Variants in ATP13A4 observed in about 807,000 individuals in gnomAD.
ATP13A4 encodes the protein ATPase 13A4, also known as probable cation-transporting ATPase 13A4.
ATP13A4 carries 114 observed loss-of-function variants against 142.5 expected under a neutral mutation model. That is an observed-to-expected ratio of 0.80 (90% CI 0.69 to 0.93). The LOEUF is 0.93. Ranked by LOEUF, ATP13A4 falls within the 40% of genes least tolerant of loss-of-function variation. The pLI is 0.00. For missense variants in ATP13A4, 1,392 were observed against 1,454.0 expected (o/e 0.96, Z 0.69); for synonymous variants, 488 against 514.8 (o/e 0.95, Z 0.70).
chr3:193,452,295 T>C (rs968169491), intron 17 of ATP13A4, among the ~76,000 whole-genome samples: 3 of 152,152 alleles, frequency 2.0e-5, no homozygotes, highest in Non-Finnish European at 4.4e-5. Context: ...AAATGTGATA[T>C]CCAATCTCAA....
chr3:193,548,426 T>C (rs1723346404), intron 1 of ATP13A4, among the ~76,000 whole-genome samples: 1 of 152,170 alleles, frequency 6.6e-6, no homozygotes, highest in East Asian at 1.9e-4. Context: ...TCCTCTAAAA[T>C]TTATATCGAA....
At chr3:193,557,598 G>A (rs1723930791), upstream of ATP13A4, among the ~76,000 whole-genome samples, 2 of 152,220 alleles carry the variant, frequency 1.3e-5, no homozygotes, top group Admixed American at 6.5e-5. Context: ...CAGACATTAA[G>A]TAATTTGCCT....
At chr3:193,505,980 T>A (rs1720841047) in intron 2 of ATP13A4, among the ~76,000 whole-genome samples, 1 of 152,230 alleles carries the variant, frequency 6.6e-6, no homozygotes, top group Admixed American at 6.5e-5. Flanking sequence ...TTAAATGAAG[T>A]ATACATAATG....
chr3:193,554,379 A>G, intron 1 of ATP13A4: 1 of 348,872 alleles, frequency 2.9e-6, no homozygotes, highest in Non-Finnish European at 5.5e-6. Flanking sequence ...TGCTCCTCAC[A>G]TTAGGGATTT....
intron 1 of ATP13A4, among the ~76,000 whole-genome samples, chr3:193,532,405 C>A (rs1271387241): frequency 6.8e-6 from 1 of 147,080 alleles, no homozygotes; most frequent in Non-Finnish European, 1.5e-5. Flanking sequence ...ATCTAGTATG[C>A]AAACTTACAG....
chr3:193,571,624 C>A (rs549852850), intron 2 of ATP13A4, among the ~76,000 whole-genome samples: 76 of 152,226 alleles, frequency 5.0e-4, no homozygotes, highest in African/African-American at 1.8e-3. Flanking sequence ...AGTCTTCCTC[C>A]CAAAAACCTA....
chr3:193,491,064 A>C (rs1719916126), intron 6 of ATP13A4, among the ~76,000 whole-genome samples: 1 of 152,258 alleles, frequency 6.6e-6, no homozygotes, highest in Non-Finnish European at 1.5e-5. Context: ...GTATTAAAAA[A>C]GAAAAGAAAC....
chr3:193,449,291 T>C (rs1009965403), intron 17 of ATP13A4, among the ~76,000 whole-genome samples: 15 of 152,358 alleles, frequency 9.8e-5, no homozygotes, highest in Middle Eastern at 6.8e-3. Flanking sequence ...TCTTCCATCA[T>C]TTATTTATCT....
chr3:193,526,972 T>C (rs879261003), intron 1 of ATP13A4, among the ~76,000 whole-genome samples: 1 of 152,196 alleles, frequency 6.6e-6, no homozygotes, highest in African/African-American at 2.4e-5. Context: ...TCTCAAATGA[T>C]TGAGATCCAC....
chr3:193,578,065 G>A (rs551976585), intron 2 of ATP13A4, among the ~76,000 whole-genome samples: 49 of 152,136 alleles, frequency 3.2e-4, no homozygotes, highest in African/African-American at 6.0e-4. Context: ...AGGCTGAGGC[G>A]GGTGGATCAC....
chr3:193,558,567 A>C (rs1364653374), upstream of ATP13A4, among the ~76,000 whole-genome samples: 1 of 152,244 alleles, frequency 6.6e-6, no homozygotes, highest in Non-Finnish European at 1.5e-5. Context: ...TCCACATAAT[A>C]TGCTAATTAC....
rs79238785 is a variant in ATP13A4 at position 193,485,367 on chromosome 3, C to A, written c.739-1362G>T. 7.2e-4 allele frequency among the ~76,000 whole-genome samples: 109 copies of A among 152,188 alleles called. No homozygotes were observed. In the East Asian group the frequency reaches 0.02, roughly 28 times the overall value. On this transcript the variant is annotated intron_variant, in intron 7 of 29. Coordinates refer to ENST00000342695, the MANE Select transcript of ATP13A4 (RefSeq NM_032279.4). ...GGAGCAGCAGTCCTTAGAGAGTGGC[C>A]TGAGGATTCCTGGGGGTTTTTAGGA...
At chr3:193,474,494 C>T (rs1718822074) in intron 8 of ATP13A4, among the ~76,000 whole-genome samples, 1 of 149,126 alleles carries the variant, frequency 6.7e-6, no homozygotes, top group African/African-American at 2.5e-5. Context: ...TATGACTGCA[C>T]CATTGCACTC....
At chr3:193,531,296 G>GAGGAAGGAAGGAAGGAAGGAAGGA (rs772860170) in intron 1 of ATP13A4, among the ~76,000 whole-genome samples, 1 of 73,920 alleles carries the variant, frequency 1.4e-5, no homozygotes, top group Admixed American at 1.6e-4. Context: ...GGGAGGGAGG[G>GAGGAAGGAAGGAAGGAAGGAAGGA]AGGAAGGAAG....
intron 2 of ATP13A4, among the ~76,000 whole-genome samples, chr3:193,573,316 T>G (rs1187786511): frequency 7.1e-6 from 1 of 141,512 alleles, no homozygotes; most frequent in Non-Finnish European, 1.5e-5. Context: ...TACATATATA[T>G]ATATATATAT....
chr3:193,556,868 T>A (rs1375051146), upstream of ATP13A4, among the ~76,000 whole-genome samples: 1 of 152,020 alleles, frequency 6.6e-6, no homozygotes, highest in East Asian at 1.9e-4. Context: ...CAGAAAAAAA[T>A]ATAAAACAAG....
intron 1 of ATP13A4, among the ~76,000 whole-genome samples, chr3:193,518,224 T>C (rs2108688017): frequency 6.6e-6 from 1 of 152,196 alleles, no homozygotes. Context: ...ATGCCATCAG[T>C]GAGTGAGATG....
chr3:193,424,589 T>C (rs1319819078), intron 25 of ATP13A4, among the ~76,000 whole-genome samples: 10 of 149,686 alleles, frequency 6.7e-5, no homozygotes, highest in African/African-American at 1.2e-4. Flanking sequence ...CACCGTCTCC[T>C]CAATGAATGG....
chr3:193,590,205 T>G (rs1256698174), intron 1 of ATP13A4, among the ~76,000 whole-genome samples: 1 of 152,170 alleles, frequency 6.6e-6, no homozygotes, highest in Non-Finnish European at 1.5e-5. Flanking sequence ...GCTCTGAGGT[T>G]AGAGGTTTTT....
Sources: allele counts gnomAD v4.1 joint callset (sites outside exome capture counted in the v4.1 genomes callset), GRCh38; gene constraint gnomAD v4.1.1; transcripts MANE v1.5; gene names NCBI Gene and HGNC (gene_info 2026-07-23, HGNC 2026-07-21).